The following ENPP3 variants were observed in gnomAD, a reference collection of about 807,000 sequenced individuals.
ENPP3 encodes ectonucleotide pyrophosphatase/phosphodiesterase 3.
ENPP3 carries 104 observed loss-of-function variants against 117.8 expected under a neutral mutation model. The observed-to-expected ratio is 0.88, with a 90% CI of 0.75 to 1.04. ENPP3 has a LOEUF of 1.04. Among genes scored for constraint, ENPP3 ranks in the 50% least tolerant of loss-of-function variants. ENPP3 has a pLI of 0.00. For synonymous variants in ENPP3, 380 were observed against 349.9 expected, an observed-to-expected ratio of 1.09 and a Z score of -0.96; for missense variants, 1,026 against 1,051.9, an observed-to-expected ratio of 0.98 and a Z score of 0.34.
intron 24 of ENPP3, among the ~76,000 whole-genome samples, chr6:131,741,227 C>T (rs17060634): frequency 0.35 from 53,317 of 151,964 alleles, 10,048 homozygotes; most frequent in East Asian, 0.47. Context: ...ATTCAACAAA[C>T]ATATTGAGTA....
chr6:131,643,309 C>T (rs1360281312), intron 2 of ENPP3, among the ~76,000 whole-genome samples: 1 of 152,210 alleles, frequency 6.6e-6, no homozygotes, highest in African/African-American at 2.4e-5. Flanking sequence ...ATTTTACCCC[C>T]TAAATCACAT....
At chr6:131,683,490 T>G (rs1362438719) in intron 12 of ENPP3, among the ~76,000 whole-genome samples, 1 of 152,238 alleles carries the variant, frequency 6.6e-6, no homozygotes, top group East Asian at 1.9e-4. Context: ...TTCGTTTATG[T>G]AGATTGGCTG....
chr6:131,663,935 T>G (rs1178952765), intron 6 of ENPP3, among the ~76,000 whole-genome samples: 1 of 152,170 alleles, frequency 6.6e-6, no homozygotes, highest in Non-Finnish European at 1.5e-5. Flanking sequence ...TCTTGCTATG[T>G]TGCCCAGGCT....
chr6:131,654,936 G>A (rs529382608), intron 5 of ENPP3, among the ~76,000 whole-genome samples: 6 of 152,222 alleles, frequency 3.9e-5, no homozygotes, highest in South Asian at 2.1e-4. Context: ...GGTCTTTTGC[G>A]CTAGTCACTT....
chr6:131,743,780 A>C (rs533288227), intron 24 of ENPP3, among the ~76,000 whole-genome samples: 1 of 151,950 alleles, frequency 6.6e-6, no homozygotes, highest in Non-Finnish European at 1.5e-5. Flanking sequence ...AGTGGAGATC[A>C]GGCCACTGCA....
chr6:131,701,081 A>C, intron 15 of ENPP3: 1 of 561,554 alleles, frequency 1.8e-6, no homozygotes, highest in South Asian at 2.0e-5. Context: ...ATTCTGTGAC[A>C]GCAAAAGTGG....
At chr6:131,667,589 T>C (rs947702109) in intron 6 of ENPP3, among the ~76,000 whole-genome samples, 8 of 152,172 alleles carry the variant, frequency 5.3e-5, no homozygotes, top group African/African-American at 1.7e-4. Flanking sequence ...TGTGGTCCAA[T>C]TTTTTCCCCC....
At chr6:131,651,023 G>A (rs1778251434) in intron 3 of ENPP3, among the ~76,000 whole-genome samples, 2 of 151,990 alleles carry the variant, frequency 1.3e-5, no homozygotes, top group Non-Finnish European at 2.9e-5. Context: ...GGGTTCAAGC[G>A]ATTCTCCTGC....
At chr6:131,737,010 C>T (rs368449356) in intron 21 of ENPP3, among the ~76,000 whole-genome samples, 4 of 152,286 alleles carry the variant, frequency 2.6e-5, no homozygotes. Flanking sequence ...AAATCTCCTT[C>T]TCCTTATTAA....
In ENPP3 at chr6:131,677,912, G is replaced by A. The variant is rs1205028033; in HGVS notation, c.983G>A (p.Gly328Glu). 2 of 1,611,390 alleles carry A rather than the reference G, an allele frequency of 1.2e-6. No individual in the cohort carries two copies. The highest frequency in any genetic ancestry group is 3.3e-5 in the Admixed American group (2 of 59,968). ...TATTTTGAAGAACCTGATTCCTCTG[G>A]ACATGCAGGTGGACCAGTCAGTGCC... ...TMYFEEPDSS[G>E]HAGGPVSARV... Residue 328 changes from glycine to glutamate, a missense_variant, in exon 11 of 25, where the codon GGA (glycine) becomes GAA (glutamate). Gly to Glu is a moderately conservative substitution (Grantham distance 98). Transcript: ENST00000357639.
chr6:131,737,647 G>T (rs762470681), intron 22 of ENPP3, among the ~76,000 whole-genome samples: 4 of 152,024 alleles, frequency 2.6e-5, no homozygotes, highest in Non-Finnish European at 5.9e-5. Context: ...CTGATAATTT[G>T]TTTTTAAGCC....
chr6:131,668,090 G>A (rs9483313), intron 6 of ENPP3, among the ~76,000 whole-genome samples: 2,954 of 150,832 alleles, frequency 0.02, 101 homozygotes, highest in African/African-American at 0.068. Flanking sequence ...CTGGTAAACA[G>A]TTTGCTATGT....
At chr6:131,654,832 A>T (rs889394213) in intron 5 of ENPP3, among the ~76,000 whole-genome samples, 1 of 152,158 alleles carries the variant, frequency 6.6e-6, no homozygotes. Flanking sequence ...TTTGGTTTGT[A>T]GCTCAGATTC....
Position 131,685,344 on chromosome 6 carries a change from A to G in ENPP3, c.1121-20A>G, listed in dbSNP as rs2114426310. 1 of 1,594,326 alleles carries G rather than the reference A, an allele frequency of 6.3e-7. No homozygotes were observed. The highest frequency in any genetic ancestry group is 1.1e-5 in the South Asian group (1 of 89,174). On this transcript the variant is annotated intron_variant, in intron 12 of 24. Coordinates refer to ENST00000357639, the MANE Select transcript of ENPP3 (RefSeq NM_005021.5). ...ATTTATATACATTCAGTGGGTTATT[A>G]TGATTATTTTTTTATTCAGGAATGG...
intron 23 of ENPP3, 120 bp from the exon 24 acceptor site, chr6:131,740,104 C>T: frequency 2.6e-6 from 2 of 756,416 alleles, no homozygotes; most frequent in East Asian, 6.5e-5. Context: ...TGCTGTCAAA[C>T]TTAGAATTAT....
chr6:131,692,888 TAC>T (rs1001599428), intron 14 of ENPP3, among the ~76,000 whole-genome samples: 1 of 143,194 alleles, frequency 7.0e-6, no homozygotes, highest in Non-Finnish European at 1.5e-5. Context: ...TTATATATTA[TAC>T]ACTATATATG....
Position 131,740,335 on chromosome 6 carries a change from A to C in ENPP3, c.2412A>C (p.Leu804=). ...PENCPGWLDV[L]PFIIPHRPTN... ...ACTGCCCTGGGTGGCTGGATGTCCT[A>C]CCCTTTATCATCCCTCACCGACCTA... The change falls in exon 24 of 25, where the codon CTA becomes CTC. Residue 804 remains leucine, a synonymous_variant. Transcript: ENST00000357639. 6.2e-7 allele frequency: 1 copy of C among 1,612,190 alleles called. No homozygotes were observed. The highest frequency in any genetic ancestry group is 1.1e-5 in the South Asian group (1 of 90,702).
At chr6:131,675,845 T>A (rs1423400040) in intron 9 of ENPP3, among the ~76,000 whole-genome samples, 1 of 151,976 alleles carries the variant, frequency 6.6e-6, no homozygotes, top group African/African-American at 2.4e-5. Flanking sequence ...CCGTCTCAAA[T>A]GAATAAAATA....
intron 14 of ENPP3, among the ~76,000 whole-genome samples, chr6:131,689,478 T>A (rs1283157585): frequency 6.6e-6 from 1 of 152,198 alleles, no homozygotes; most frequent in Non-Finnish European, 1.5e-5. Context: ...CTTATCTGTT[T>A]ATAGCATCCG....
Sources: allele counts gnomAD v4.1 joint callset (sites outside exome capture counted in the v4.1 genomes callset), GRCh38; gene constraint gnomAD v4.1.1; transcripts MANE v1.5; gene names NCBI Gene and HGNC (gene_info 2026-07-23, HGNC 2026-07-21).